Variants in LRRC31 observed in about 807,000 individuals in gnomAD.
The protein encoded by LRRC31 is leucine rich repeat containing 31, also known as leucine-rich repeat-containing protein 31.
In LRRC31, 35 loss-of-function variants were observed where a neutral mutation model predicts 46.7. The ratio of observed to expected loss-of-function variants is 0.75; its 90% CI spans 0.57 to 0.99. LRRC31 has a LOEUF of 0.99. Among genes scored for constraint, LRRC31 ranks in the 50% least tolerant of loss-of-function variants. The pLI is 0.00. For missense variants in LRRC31, 613 were observed against 626.1 expected, an observed-to-expected ratio of 0.98 and a Z score of 0.22; for synonymous variants, 236 against 235.1, an observed-to-expected ratio of 1.00 and a Z score of -0.03.
Position 169,856,399 on chromosome 3 carries a change from A to T in LRRC31, c.760T>A (p.Ser254Thr), listed in dbSNP as rs767992519. ...NSIAQGLKST[S>T]NLKVLKLHSC... ...TGTAACTTCAGTACTTTCAGATTTGAGGTGCTTTTTAATCCCTGAGCAATA... is the reference window on the plus strand; with the variant it reads ...TGTAACTTCAGTACTTTCAGATTTGTGGTGCTTTTTAATCCCTGAGCAATA... Residue 254 changes from serine (S) to threonine (T), a missense_variant, in exon 5 of 9, where the codon TCA (serine) becomes ACA (threonine). Ser to Thr is a moderately conservative substitution (Grantham distance 58, BLOSUM62 1). Coordinates refer to ENST00000316428, the MANE Select transcript of LRRC31 (RefSeq NM_024727.4). The T allele has an allele frequency of 6.2e-7, 1 of 1,606,740 alleles. No homozygotes were observed.
At chr3:169,844,192 CACAAAT>C (rs1780532418) in intron 8 of LRRC31, among the ~76,000 whole-genome samples, 1 of 152,116 alleles carries the variant, frequency 6.6e-6, no homozygotes, top group African/African-American at 2.4e-5. Flanking sequence ...TGAACATAGG[CACAAAT>C]ATCCTCAACA....
At position 169,869,830 on chromosome 3, in the gene LRRC31, C is replaced by G; in HGVS notation, c.-23G>C. 6.3e-7 allele frequency: 1 copy of G among 1,577,266 alleles called. No individual in the cohort carries two copies. The highest frequency in any genetic ancestry group is 8.6e-7 in the Non-Finnish European group (1 of 1,162,272). Reference sequence around the variant, plus strand: ...CATGGTGAAGTTGATGGGGGTAGTTCCCAATAAGACATCTTCCTGTTGCTT... The same window carrying G: ...CATGGTGAAGTTGATGGGGGTAGTTGCCAATAAGACATCTTCCTGTTGCTT... On this transcript the variant is annotated 5_prime_UTR_variant, in exon 1 of 9. Transcript: ENST00000316428.
chr3:169,865,248 T>C (rs1781295229), intron 1 of LRRC31, among the ~76,000 whole-genome samples: 1 of 125,368 alleles, frequency 8.0e-6, no homozygotes, highest in Non-Finnish European at 1.5e-5. Context: ...AGGCTCTATC[T>C]CAAAAAAAAA....
chr3:169,854,160 G>A (rs769788949), intron 6 of LRRC31, among the ~76,000 whole-genome samples: 11 of 152,188 alleles, frequency 7.2e-5, no homozygotes, highest in Admixed American at 6.5e-5. Flanking sequence ...TGAGATAACC[G>A]TGGCCTGGAC....
intron 7 of LRRC31, among the ~76,000 whole-genome samples, chr3:169,848,917 TC>T (rs1379454104): frequency 6.6e-6 from 1 of 152,224 alleles, no homozygotes; most frequent in African/African-American, 2.4e-5. Flanking sequence ...CCAGAATGTG[TC>T]CTGGTTGGTA....
At chr3:169,851,974 C>G (rs1780790077) in intron 6 of LRRC31, among the ~76,000 whole-genome samples, 188 bp from the exon 7 acceptor site, 1 of 151,944 alleles carries the variant, frequency 6.6e-6, no homozygotes, top group African/African-American at 2.4e-5. Flanking sequence ...CTTCCAAGCC[C>G]CTTTTCAGGC....
Position 169,869,683 on chromosome 3 carries a change from C to G in LRRC31, c.125G>C (p.Ser42Thr), listed in dbSNP as rs112858941. 1,888 of 1,611,372 alleles carry G rather than the reference C, an allele frequency of 1.2e-3. 23 individuals are homozygous for G. The African/African-American group carries it at 0.022, about 19-fold the overall frequency. The change falls in exon 1 of 9, where the codon AGT becomes ACT. Residue 42 changes from serine to threonine, a missense_variant. Ser to Thr is a moderately conservative substitution (Grantham distance 58). Transcript: ENST00000316428. ...TATCCAGTCGCTGGGTTGGGAATCA[C>G]TTGTTTTAAGGTCATTGTCCTCTTT... ...SRKEDNDLKTSDSQPSDWIQK... is the reference protein window; with the variant it reads ...SRKEDNDLKTTDSQPSDWIQK...
chr3:169,860,836 A>G, intron 2 of LRRC31, 108 bp from the exon 3 acceptor site: 38 of 1,158,966 alleles, frequency 3.3e-5, no homozygotes, highest in Non-Finnish European at 4.7e-5. Flanking sequence ...CTGTAAGAGA[A>G]TAGACAGTGG....
Position 169,840,028 on chromosome 3 carries a change from TG to T in LRRC31, c.1612del (p.Gln538LysfsTer41). Reference sequence around the variant, plus strand: ...AAAGTGAATGCTTCTTTTTTTATCTTGGTCAAAGCATTCTAGTTCTTCCTCC... The same window carrying T: ...AAAGTGAATGCTTCTTTTTTTATCTTGTCAAAGCATTCTAGTTCTTCCTCC... Reference protein sequence around the residue: ...SQEEELECFDQDKKRSIHFDH... With the variant: ...SQEEELECFDXDKKRSIHFDH... On this transcript the variant is annotated frameshift_variant, in exon 9 of 9. Transcript: ENST00000316428. LOFTEE classifies it low-confidence loss of function (END_TRUNC). The T allele has an allele frequency of 6.2e-7, 1 of 1,613,698 alleles. No individual in the cohort carries two copies. The highest frequency in any genetic ancestry group is 8.5e-7 in the Non-Finnish European group (1 of 1,179,936).
At position 169,839,909 on chromosome 3, in the gene LRRC31, T is replaced by C. The variant is rs1217438600; in HGVS notation, c.*73A>G. The C allele has an allele frequency of 1.6e-6, 2 of 1,229,168 alleles. No individual in the cohort carries two copies. The highest frequency in any genetic ancestry group is 2.3e-6 in the Non-Finnish European group (2 of 874,540). The allele number at this position is 1,229,168 out of a possible 1,614,324, so 76.1% of individuals were successfully genotyped here. A position where few individuals can be genotyped will look rare whatever the true frequency, so the allele number is the denominator to read the frequency against. On this transcript the variant is annotated 3_prime_UTR_variant, in exon 9 of 9. Transcript: ENST00000316428. ...GGCCCAGAAGTTGAAATTCAGTTCA[T>C]GACTCTGGAATTCGTTCATGTTCTT...
intron 3 of LRRC31, among the ~76,000 whole-genome samples, chr3:169,858,519 G>A (rs1222443449): frequency 6.6e-6 from 1 of 152,224 alleles, no homozygotes; most frequent in Non-Finnish European, 1.5e-5. Context: ...GGTTTTAGAT[G>A]ACAGAATGGA....
intron 7 of LRRC31, among the ~76,000 whole-genome samples, chr3:169,848,678 C>G (rs754044521): frequency 1.3e-5 from 2 of 152,104 alleles, no homozygotes; most frequent in Non-Finnish European, 2.9e-5. Context: ...AGGATGGTCT[C>G]GATCTCCTGA....
chr3:169,856,269 T>C, intron 5 of LRRC31, 67 bp downstream of exon 5: 1 of 891,072 alleles, frequency 1.1e-6, no homozygotes, highest in Non-Finnish European at 1.5e-6. Flanking sequence ...CTTTTCAATA[T>C]ATATATTTAT....
rs1780663912 is a variant in LRRC31, at chr3:169,848,299, A to G, written c.1160-12T>C. 1 of 1,611,250 alleles carries G rather than the reference A, an allele frequency of 6.2e-7. No homozygotes were observed. Among genetic ancestry groups the G allele is most frequent in the East Asian group, 2.2e-5 (1 of 44,840 alleles). On this transcript the variant is annotated splice_polypyrimidine_tract_variant and intron_variant, in intron 7 of 8. Transcript: ENST00000316428. ...AACAGAGGCTTCAGCTAAAAGTGAT[A>G]ACAATACGAACAGCAGTAATTTAGG...
intron 3 of LRRC31, among the ~76,000 whole-genome samples, chr3:169,857,319 T>C (rs1219214843): frequency 6.2e-5 from 2 of 32,100 alleles, no homozygotes; most frequent in East Asian, 1.1e-3. Flanking sequence ...ATCACATGCC[T>C]ATATATATAT....
intron 3 of LRRC31, among the ~76,000 whole-genome samples, chr3:169,860,280 T>C (rs1223254187): frequency 6.6e-6 from 1 of 151,808 alleles, no homozygotes; most frequent in African/African-American, 2.4e-5. Context: ...TAGGCTGGTG[T>C]GCAGTGGCAC....
intron 3 of LRRC31, 33 bp from the exon 4 acceptor site, chr3:169,856,905 C>A: frequency 1.3e-6 from 2 of 1,576,490 alleles, no homozygotes; most frequent in South Asian, 2.3e-5. Context: ...TTCTGTTGGT[C>A]ACTAGTCAGA....
Position 169,856,429 on chromosome 3 carries a change from T to C in LRRC31, c.730A>G (p.Asn244Asp). Residue 244 changes from asparagine to aspartate, a missense_variant, in exon 5 of 9, where the codon AAC becomes GAC. Coordinates refer to ENST00000316428, the MANE Select transcript of LRRC31 (RefSeq NM_024727.4). Reference protein sequence around the residue: ...SINRDIVGSLNSIAQGLKSTS... With the variant: ...SINRDIVGSLDSIAQGLKSTS... ...CTTTTTAATCCCTGAGCAATACTGT[T>C]CAGACTGCCAACAATGTCTCTGTTA... 6.2e-7 allele frequency: 1 copy of C among 1,608,926 alleles called. No homozygotes were observed. Among genetic ancestry groups the C allele is most frequent in the Non-Finnish European group, 8.5e-7 (1 of 1,177,664 alleles).
At chr3:169,862,803 A>G (rs538298723) in intron 1 of LRRC31, among the ~76,000 whole-genome samples, 1 of 152,284 alleles carries the variant, frequency 6.6e-6, no homozygotes, top group South Asian at 2.1e-4. Flanking sequence ...CTATAATAAT[A>G]AAAGCTATCA....
Sources: gnomAD v4.1 joint callset for allele counts (sites outside exome capture counted in the v4.1 genomes callset) on GRCh38, gnomAD v4.1.1 for gene constraint, MANE v1.5 for transcripts, NCBI Gene and HGNC (gene_info 2026-07-23, HGNC 2026-07-21) for gene names.